COL13A1: variants seen among roughly 807,000 people sequenced by gnomAD.
COL13A1 encodes collagen alpha-1(XIII) chain.
COL13A1 carries 89 observed loss-of-function variants against 130.9 expected under a neutral mutation model. The ratio of observed to expected loss-of-function variants is 0.68; its 90% CI spans 0.57 to 0.81. COL13A1 has a LOEUF of 0.81. COL13A1 is among the 30% of genes least tolerant of loss of function. COL13A1 has a pLI of 0.00. For synonymous variants in COL13A1, 402 were observed against 341.6 expected (o/e 1.18, Z -1.95); for missense variants, 879 against 934.6 (o/e 0.94, Z 0.78).
rs55816117 is a variant in COL13A1, at chr10:69,810,347, T to TGA, written c.294+7663_294+7664dup. On this transcript the variant is annotated intron_variant, in intron 1 of 40. Transcript: ENST00000645393. Reference sequence around the variant, plus strand: ...GGCTGGACCTGGCAGGCCCTGAGAATGAGAGAGAGAGAGAGAGAGAGAGAG... The same window carrying TGA: ...GGCTGGACCTGGCAGGCCCTGAGAATGAGAGAGAGAGAGAGAGAGAGAGAGAG... 6.9e-3 allele frequency among the ~76,000 whole-genome samples: 831 copies of TGA among 119,818 alleles called. 17 individuals carry two copies. Among genetic ancestry groups the TGA allele is most frequent in the South Asian group, 0.013 (48 of 3,724 alleles). 78.6% of individuals were successfully genotyped at this position (119,818 alleles called of 152,430 possible).
chr10:69,867,753 C>T, intron 2 of COL13A1, 45 bp from the exon 3 acceptor site: 2 of 718,046 alleles, frequency 2.8e-6, no homozygotes, highest in East Asian at 2.7e-5. Context: ...CCACCGCCCC[C>T]TACAGCAATG....
chr10:69,902,661 G>T, intron 14 of COL13A1, 87 bp from the exon 15 acceptor site: 1 of 1,061,212 alleles, frequency 9.4e-7, no homozygotes, highest in Non-Finnish European at 1.3e-6. Flanking sequence ...ATCACAGCAG[G>T]CCTTCACTGG....
intron 2 of COL13A1, among the ~76,000 whole-genome samples, chr10:69,865,334 C>T (rs536687493): frequency 6.6e-6 from 1 of 152,358 alleles, no homozygotes; most frequent in Admixed American, 6.5e-5. Context: ...TTTTGCAAAG[C>T]CATCAGCTCC....
At chr10:69,884,588 T>C (rs2060443574) in intron 7 of COL13A1, among the ~76,000 whole-genome samples, 1 of 152,214 alleles carries the variant, frequency 6.6e-6, no homozygotes, top group African/African-American at 2.4e-5. Flanking sequence ...GGGGACCTCC[T>C]TCGGCTCCCT....
At chr10:69,940,867 C>A (rs2067529979) in intron 34 of COL13A1, 121 bp from the exon 35 acceptor site, 1 of 1,338,978 alleles carries the variant, frequency 7.5e-7, no homozygotes, top group Non-Finnish European at 1.1e-6. Flanking sequence ...TGTTTGATTA[C>A]CAGCATTTAT....
chr10:69,928,139 G>A (rs2065625041), intron 27 of COL13A1, among the ~76,000 whole-genome samples: 1 of 152,144 alleles, frequency 6.6e-6, no homozygotes, highest in Non-Finnish European at 1.5e-5. Context: ...GTGACAGAGT[G>A]AGACTCTGTC....
chr10:69,834,956 C>T (rs1212074531), intron 2 of COL13A1, among the ~76,000 whole-genome samples: 4 of 152,206 alleles, frequency 2.6e-5, no homozygotes, highest in Non-Finnish European at 5.9e-5. Context: ...TTACCTGTAG[C>T]CACCTGCCAG....
chr10:69,943,671 G>A (rs1279389669), intron 35 of COL13A1, among the ~76,000 whole-genome samples: 1 of 152,132 alleles, frequency 6.6e-6, no homozygotes, highest in African/African-American at 2.4e-5. Context: ...GGTGGGTGTT[G>A]GCTGAACAAC....
intron 36 of COL13A1, among the ~76,000 whole-genome samples, chr10:69,945,186 C>A (rs1005063592): frequency 1.3e-5 from 2 of 152,210 alleles, no homozygotes; most frequent in Non-Finnish European, 2.9e-5. Context: ...TCCCTGCACT[C>A]CCCATCCGCC....
Position 69,889,485 on chromosome 10 carries a change from G to A in COL13A1, c.603+45G>A, listed in dbSNP as rs978519327. On this transcript the variant is annotated intron_variant, in intron 10 of 40. Coordinates refer to ENST00000645393, the MANE Select transcript of COL13A1 (RefSeq NM_001368882.1). The stretch of plus-strand genomic sequence containing the variant: ...GCCTTCCCGAGATGGGTGGGGGTTG[G>A]CCCAGCCTCACAGGCACAGCCAAGC... 3 of 1,602,244 alleles carry A rather than the reference G, an allele frequency of 1.9e-6. No individual in the cohort carries two copies. The African/African-American group carries it at 4.0e-5, about 21-fold the overall frequency.
At chr10:69,906,325 C>T (rs145876499) in intron 17 of COL13A1, among the ~76,000 whole-genome samples, 1 of 152,280 alleles carries the variant, frequency 6.6e-6, no homozygotes, top group East Asian at 1.9e-4. Flanking sequence ...TGTGGATTGA[C>T]AGTCTGGGAA....
chr10:69,909,438 C>T (rs2063133701), intron 17 of COL13A1, among the ~76,000 whole-genome samples: 1 of 152,266 alleles, frequency 6.6e-6, no homozygotes, highest in Non-Finnish European at 1.5e-5. Context: ...TGCTCCCAAC[C>T]TGTCACTGAG....
intron 14 of COL13A1, among the ~76,000 whole-genome samples, chr10:69,902,460 C>T (rs578106288): frequency 1.3e-5 from 2 of 152,340 alleles, no homozygotes; most frequent in East Asian, 1.9e-4. Context: ...CTCCCACCCA[C>T]TCCTCTGCCT....
chr10:69,894,846 G>A lies in COL13A1; in HGVS notation c.657+145G>A, dbSNP rs10999018. On this transcript the variant is annotated intron_variant, in intron 12 of 40. Coordinates refer to ENST00000645393, the MANE Select transcript of COL13A1 (RefSeq NM_001368882.1). Reference sequence around the variant, plus strand: ...CCCCGAGGTGCCGCATAATAGATTCGGTTGACACCGCTCCAGGGGACATCC... The same window carrying A: ...CCCCGAGGTGCCGCATAATAGATTCAGTTGACACCGCTCCAGGGGACATCC... The A allele has an allele frequency of 0.086, 91,819 of 1,072,488 alleles. 6,241 individuals carry two copies. The highest frequency in any genetic ancestry group is 0.36 in the East Asian group (14,183 of 39,460). The allele number at this position is 1,072,488 out of a possible 1,614,324, so 66.4% of individuals were successfully genotyped here.
chr10:69,877,731 AC>A, intron 5 of COL13A1: 1 of 435,290 alleles, frequency 2.3e-6, no homozygotes. Context: ...ACACACACAC[AC>A]ACACACACAC....
At chr10:69,875,908 A>G (rs989330280) in intron 5 of COL13A1, among the ~76,000 whole-genome samples, 2 of 152,128 alleles carry the variant, frequency 1.3e-5, no homozygotes, top group African/African-American at 4.8e-5. Flanking sequence ...CTAACTTCCC[A>G]TCAACCTCTG....
At position 69,945,773 on chromosome 10, in the gene COL13A1, T is replaced by C. The variant is rs370272635; in HGVS notation, c.2022+49T>C. ...TCCTCTCCTCCCACCCCTGCCCCCA[T>C]TAGAAATACCCACGGCCGGCCGGGC... On this transcript the variant is annotated intron_variant, in intron 37 of 40. Transcript: ENST00000645393. 5.7e-6 allele frequency: 9 copies of C among 1,584,928 alleles called. No homozygotes were observed. In the African/African-American group the frequency reaches 1.1e-4, roughly 19 times the overall value.
intron 2 of COL13A1, among the ~76,000 whole-genome samples, chr10:69,842,983 G>A (rs138718727): frequency 2.3e-3 from 352 of 152,312 alleles, no homozygotes; most frequent in Middle Eastern, 0.014. Context: ...CAGGTTGCCT[G>A]GGCTGCAGAA....
intron 26 of COL13A1, 84 bp downstream of exon 26, chr10:69,925,956 A>G (rs942910059): frequency 2.6e-6 from 3 of 1,166,182 alleles, no homozygotes; most frequent in Non-Finnish European, 3.7e-6. Context: ...CCTTCCACAC[A>G]GCCGAGTAGG....
Sources: allele counts gnomAD v4.1 joint callset (sites outside exome capture counted in the v4.1 genomes callset), GRCh38; gene constraint gnomAD v4.1.1; transcripts MANE v1.5; gene names NCBI Gene and HGNC (gene_info 2026-07-23, HGNC 2026-07-21).